The following HDAC4 variants were observed in gnomAD, a reference collection of about 807,000 sequenced individuals.
HDAC4 encodes histone deacetylase 4.
Under a neutral mutation model 135.1 loss-of-function variants are expected in HDAC4, and 16 were observed. That is an observed-to-expected ratio of 0.12 (90% CI 0.08 to 0.18). The LOEUF is 0.18. HDAC4 is among the 10% of genes least tolerant of loss of function. HDAC4 has a pLI of 1.00. For missense variants in HDAC4, 1,143 were observed against 1,511.8 expected (o/e 0.76, Z 4.05); for synonymous variants, 685 against 653.4 (o/e 1.05, Z -0.74).
intron 2 of HDAC4, among the ~76,000 whole-genome samples, chr2:239,258,272 G>C (rs987977843): frequency 6.6e-6 from 1 of 152,076 alleles, no homozygotes; most frequent in Non-Finnish European, 1.5e-5. Context: ...AGAAGGCACC[G>C]AGACAGAATG....
chr2:239,357,599 G>T (rs1693579224), intron 1 of HDAC4, among the ~76,000 whole-genome samples: 1 of 151,858 alleles, frequency 6.6e-6, no homozygotes, highest in Non-Finnish European at 1.5e-5. Context: ...GAATGAGAGA[G>T]GGGGCCAGGT....
At chr2:239,088,624 CGTGT>C (rs143757054) in intron 18 of HDAC4, among the ~76,000 whole-genome samples, 1 of 151,664 alleles carries the variant, frequency 6.6e-6, no homozygotes. Flanking sequence ...AGCACCAGGG[CGTGT>C]GTGTGTGTGT....
chr2:239,329,144 A>G (rs950143913), intron 2 of HDAC4, among the ~76,000 whole-genome samples: 1 of 140,764 alleles, frequency 7.1e-6, no homozygotes, highest in African/African-American at 2.6e-5. Flanking sequence ...AACCCCCCAC[A>G]TCCCCCCCAG....
chr2:239,314,447 C>T (rs2053031554), intron 2 of HDAC4, among the ~76,000 whole-genome samples: 1 of 152,156 alleles, frequency 6.6e-6, no homozygotes, highest in Non-Finnish European at 1.5e-5. Flanking sequence ...GCCTTAGCTT[C>T]CCATTTGCCA....
intron 12 of HDAC4, among the ~76,000 whole-genome samples, chr2:239,119,676 T>C (rs969984791): frequency 2.6e-5 from 4 of 151,412 alleles, no homozygotes; most frequent in Non-Finnish European, 5.9e-5. Flanking sequence ...GACACGGAGA[T>C]GGGAGCTCAG....
chr2:239,391,866 C>T (rs530685818), intron 1 of HDAC4, among the ~76,000 whole-genome samples: 212 of 152,356 alleles, frequency 1.4e-3, no homozygotes, highest in African/African-American at 4.7e-3. Context: ...CTCTGGCCTC[C>T]GCTTAACCAG....
chr2:239,189,778 G>C (rs552224535), intron 4 of HDAC4, 55 bp downstream of exon 4: 2 of 1,533,306 alleles, frequency 1.3e-6, no homozygotes, highest in East Asian at 4.5e-5. Context: ...TGGAGTCACC[G>C]GGAGTTGAGG....
At chr2:239,246,387 A>G (rs11891124) in intron 2 of HDAC4, among the ~76,000 whole-genome samples, 21,384 of 152,246 alleles carry the variant, frequency 0.14, 1,613 homozygotes, top group African/African-American at 0.17. Flanking sequence ...GGGTTGCTGC[A>G]GGCCACAGGA....
intron 8 of HDAC4, among the ~76,000 whole-genome samples, chr2:239,140,696 G>A (rs987378899): frequency 6.6e-6 from 1 of 152,170 alleles, no homozygotes; most frequent in African/African-American, 2.4e-5. Flanking sequence ...ACCTATATGC[G>A]CAGCGCATAC....
At chr2:239,060,475 G>T (rs1403825501) in intron 24 of HDAC4, among the ~76,000 whole-genome samples, 1 of 152,214 alleles carries the variant, frequency 6.6e-6, no homozygotes. Context: ...GAAAGCCCAG[G>T]TGGCCAATAG....
At position 239,371,714 on chromosome 2, in the gene HDAC4, A is replaced by T. The variant is rs1694635300; in HGVS notation, c.-219-18796T>A. Among the ~76,000 whole-genome samples, 5 of 152,302 alleles carry T rather than the reference A, an allele frequency of 3.3e-5. 1 individual carries two copies. In the South Asian group the frequency reaches 1.0e-3, roughly 32 times the overall value. ...ACAGCACAGGGGACCTGGCTCAGGC[A>T]TGGCCGCACAAGCAGGATGGAGACT... On this transcript the variant is annotated intron_variant, in intron 1 of 26. Transcript: ENST00000543185.
At chr2:239,177,409 T>A (rs2043843836) in intron 4 of HDAC4, among the ~76,000 whole-genome samples, 1 of 152,108 alleles carries the variant, frequency 6.6e-6, no homozygotes, top group South Asian at 2.1e-4. Context: ...CTGACTATAT[T>A]CACATGAAGC....
rs941650981 is a variant in HDAC4 at position 239,307,240 on chromosome 2, T to C, written c.22+45438A>G. Among the ~76,000 whole-genome samples the C allele has an allele frequency of 6.6e-6, 1 of 152,066 alleles. No homozygotes were observed. The highest frequency in any genetic ancestry group is 2.4e-5 in the African/African-American group (1 of 41,440). ...GGCAGGCTCCGTGCCCCAATGGTCA[T>C]CCTCAGATGAGTGGGGGCTGTGCTC... On this transcript the variant is annotated intron_variant, in intron 2 of 26. Coordinates refer to ENST00000543185, the MANE Select transcript of HDAC4 (RefSeq NM_001378414.1). The surrounding 1 kb of genome is among the most constrained non-coding windows in gnomAD (Gnocchi z 4.8).
chr2:239,231,552 G>A (rs1359498767), intron 3 of HDAC4, among the ~76,000 whole-genome samples: 8 of 152,250 alleles, frequency 5.3e-5, no homozygotes, highest in African/African-American at 1.7e-4. Flanking sequence ...CTGTTTAACA[G>A]TAAGTCCTTC....
intron 1 of HDAC4, among the ~76,000 whole-genome samples, chr2:239,378,420 C>T (rs1695178489): frequency 6.6e-6 from 1 of 152,172 alleles, no homozygotes; most frequent in African/African-American, 2.4e-5. Context: ...CTCAACGTGA[C>T]CACGGCTGTT....
intron 17 of HDAC4, among the ~76,000 whole-genome samples, chr2:239,090,848 G>A (rs572371116): frequency 5.3e-5 from 8 of 152,336 alleles, no homozygotes; most frequent in African/African-American, 1.9e-4. Context: ...TAGTCGACCT[G>A]TCAAATAATT....
chr2:239,087,377 C>T (rs2036076760), intron 19 of HDAC4, among the ~76,000 whole-genome samples, 182 bp downstream of exon 19: 1 of 152,242 alleles, frequency 6.6e-6, no homozygotes, highest in South Asian at 2.1e-4. Flanking sequence ...CAGTGATGCT[C>T]GCAGACTTTG....
At position 239,352,508 on chromosome 2, in the gene HDAC4, G is replaced by C. The variant is rs1035116815; in HGVS notation, c.22+170C>G. Among the ~76,000 whole-genome samples the C allele has an allele frequency of 6.6e-6, 1 of 152,176 alleles. No homozygotes were observed. The highest frequency in any genetic ancestry group is 6.5e-5 in the Admixed American group (1 of 15,280). On this transcript the variant is annotated intron_variant, in intron 2 of 26. Coordinates refer to ENST00000543185, the MANE Select transcript of HDAC4 (RefSeq NM_001378414.1). This position sits in a 1 kb window ranked among gnomAD's most constrained non-coding sequence, Gnocchi z 4.4. Reference sequence around the variant, plus strand: ...TTTTATCATTCTTCTTTCACCAAGAGGAAGAATAAACCATCCATTTTGCAC... The same window carrying C: ...TTTTATCATTCTTCTTTCACCAAGACGAAGAATAAACCATCCATTTTGCAC...
chr2:239,274,207 C>G (rs1213069852), intron 2 of HDAC4, among the ~76,000 whole-genome samples: 1 of 152,212 alleles, frequency 6.6e-6, no homozygotes, highest in Admixed American at 6.5e-5. Flanking sequence ...TCACTCTGTT[C>G]TGTTTTGCTG....
Sources: gnomAD v4.1 joint callset for allele counts (sites outside exome capture counted in the v4.1 genomes callset) on GRCh38, gnomAD v4.1.1 for gene constraint, Gnocchi (gnomAD v3.1) non-coding constraint, MANE v1.5 for transcripts, NCBI Gene and HGNC (gene_info 2026-07-23, HGNC 2026-07-21) for gene names.